PTGER4: variants seen among roughly 807,000 people sequenced by gnomAD.
The protein encoded by PTGER4 is prostaglandin E2 receptor EP4 subtype.
PTGER4 carries 11 observed loss-of-function variants against 33.2 expected under a neutral mutation model. That is an observed-to-expected ratio of 0.33 (90% confidence interval 0.21 to 0.55). The LOEUF is 0.55. Ranked by LOEUF, PTGER4 falls within the 20% of genes least tolerant of loss-of-function variation. The probability of loss-of-function intolerance (pLI) is 0.92; values close to 1 mark genes in which losing one functional copy is unlikely to be tolerated. For synonymous variants in PTGER4, 275 were observed against 281.5 expected (o/e 0.98, Z 0.23); for missense variants, 481 against 650.2 (o/e 0.74, Z 2.83).
the PTGER4 span, among the ~76,000 whole-genome samples, chr5:40,711,173 A>G: frequency 6.6e-6 from 1 of 152,110 alleles, no homozygotes; most frequent in African/African-American, 2.4e-5. Context: ...ACTTCTATCC[A>G]GTAGAAAGGA....
At chr5:40,712,339 G>A in the PTGER4 span, among the ~76,000 whole-genome samples, 7 of 152,038 alleles carry the variant, frequency 4.6e-5, no homozygotes, top group African/African-American at 7.2e-5. Context: ...TGCTTACTTC[G>A]AAATATAATC....
the PTGER4 span, among the ~76,000 whole-genome samples, chr5:40,721,687 C>T: frequency 6.7e-6 from 1 of 149,850 alleles, no homozygotes. Flanking sequence ...AAAACAAAAA[C>T]AAAACAAAAC....
At chr5:40,730,433 A>G in the PTGER4 span, 2 of 990,944 alleles carry the variant, frequency 2.0e-6, no homozygotes, top group Non-Finnish European at 3.1e-6. Flanking sequence ...AAAATATAAA[A>G]TTTACCATCT....
At chr5:40,734,250 T>C in the PTGER4 span, among the ~76,000 whole-genome samples, 1 of 152,196 alleles carries the variant, frequency 6.6e-6, no homozygotes, top group South Asian at 2.1e-4. Flanking sequence ...ACAGGAAACT[T>C]GGCACTGAAC....
the PTGER4 span, among the ~76,000 whole-genome samples, chr5:40,743,779 A>AT: frequency 6.6e-6 from 1 of 152,208 alleles, no homozygotes; most frequent in African/African-American, 2.4e-5. Context: ...ACCTCAAAAA[A>AT]ATATATATCT....
At chr5:40,726,731 A>G in the PTGER4 span, among the ~76,000 whole-genome samples, 1 of 152,114 alleles carries the variant, frequency 6.6e-6, no homozygotes, top group Non-Finnish European at 1.5e-5. Flanking sequence ...CTTTCTTTAT[A>G]AAGGACAATC....
At chr5:40,700,416 C>A in the PTGER4 span, among the ~76,000 whole-genome samples, 2 of 152,224 alleles carry the variant, frequency 1.3e-5, no homozygotes, top group African/African-American at 2.4e-5. Flanking sequence ...CACCCTTGGA[C>A]TAACGAAGGA....
the PTGER4 span, among the ~76,000 whole-genome samples, chr5:40,713,747 G>C: frequency 6.6e-6 from 1 of 152,102 alleles, no homozygotes; most frequent in Non-Finnish European, 1.5e-5. Flanking sequence ...ACAGTAAACA[G>C]TGTTATTTCA....
chr5:40,741,813 A>ACC, the PTGER4 span, among the ~76,000 whole-genome samples: 1 of 151,998 alleles, frequency 6.6e-6, no homozygotes, highest in Non-Finnish European at 1.5e-5. Flanking sequence ...ATATGGTAAA[A>ACC]CCCCATCTCT....
At chr5:40,731,135 C>G in the PTGER4 span, among the ~76,000 whole-genome samples, 1 of 152,220 alleles carries the variant, frequency 6.6e-6, no homozygotes, top group East Asian at 1.9e-4. Context: ...TTGATGTATT[C>G]CTTCATAACA....
downstream of PTGER4, among the ~76,000 whole-genome samples, chr5:40,697,676 C>T (rs1224460568): frequency 1.5e-5 from 1 of 67,566 alleles, no homozygotes; most frequent in Non-Finnish European, 2.9e-5. Context: ...TGTTATAGTT[C>T]TATTAGAAAA....
Position 40,688,442 on chromosome 5 carries a change from T to C in PTGER4, c.868-3337T>C, listed in dbSNP as rs146747701. Among the ~76,000 whole-genome samples the C allele has an allele frequency of 1.4e-3, 219 of 152,334 alleles. 1 individual carries two copies. The highest frequency in any genetic ancestry group is 5.1e-3 in the African/African-American group (212 of 41,564). ...TTTAACGCCATCATTTCTTCTACCC[T>C]TAGGAACGTAGTATGTGATGTGAAT... On this transcript the variant is annotated intron_variant, in intron 2 of 2. Coordinates refer to ENST00000302472, the MANE Select transcript of PTGER4 (RefSeq NM_000958.3).
chr5:40,691,680 T>C lies in PTGER4; in HGVS notation c.868-99T>C. 1 of 1,449,972 alleles carries C rather than the reference T, an allele frequency of 6.9e-7. No homozygotes were observed. The highest frequency in any genetic ancestry group is 9.3e-7 in the Non-Finnish European group (1 of 1,076,610). The allele number at this position is 1,449,972 out of a possible 1,614,324, so 89.8% of individuals were successfully genotyped here. A position where few individuals can be genotyped will look rare whatever the true frequency, so the allele number is the denominator to read the frequency against. On this transcript the variant is annotated intron_variant, in intron 2 of 2. Coordinates refer to ENST00000302472, the MANE Select transcript of PTGER4 (RefSeq NM_000958.3). The surrounding 1 kb of genome is among the most constrained non-coding windows in gnomAD (Gnocchi z 4.2). ...TTTTCCTGGAACTTGTTACCAGAAA[T>C]GAAGGCAGCTTCCTAATATTGATAA...
chr5:40,681,980 G>T lies in PTGER4; in HGVS notation c.867+120G>T. On this transcript the variant is annotated intron_variant, in intron 2 of 2. Coordinates refer to ENST00000302472, the MANE Select transcript of PTGER4 (RefSeq NM_000958.3). The surrounding 1 kb of genome is among the most constrained non-coding windows in gnomAD (Gnocchi z 9.8). ...CAGTGAACGTGTCGCCTTTAGGTCG[G>T]GGCTGGGATTCCCACACTGTTTCTC... 1 of 1,275,448 alleles carries T rather than the reference G, an allele frequency of 7.8e-7. No individual in the cohort carries two copies. Among genetic ancestry groups the T allele is most frequent in the Non-Finnish European group, 1.0e-6 (1 of 959,834 alleles). 79.0% of individuals were successfully genotyped at this position (1,275,448 alleles called of 1,614,324 possible).
chr5:40,738,990 T>C, the PTGER4 span, among the ~76,000 whole-genome samples: 3 of 152,198 alleles, frequency 2.0e-5, no homozygotes, highest in Non-Finnish European at 4.4e-5. Flanking sequence ...TCTCCCAGCC[T>C]GTGGCCTGAC....
the PTGER4 span, among the ~76,000 whole-genome samples, chr5:40,730,615 C>CG: frequency 6.6e-6 from 1 of 152,144 alleles, no homozygotes; most frequent in Non-Finnish European, 1.5e-5. Flanking sequence ...CCTCCACCCC[C>CG]GGGCAAACAC....
chr5:40,724,527 G>A, the PTGER4 span, among the ~76,000 whole-genome samples: 35 of 152,068 alleles, frequency 2.3e-4, no homozygotes, highest in African/African-American at 8.2e-4. Context: ...CAGCTACTTG[G>A]GAGGCTGAGG....
At chr5:40,746,753 A>G in the PTGER4 span, 19 of 1,445,724 alleles carry the variant, frequency 1.3e-5, no homozygotes, top group Middle Eastern at 1.9e-4. Context: ...AGTGAGCTAG[A>G]AAATGTAAGC....
the PTGER4 span, among the ~76,000 whole-genome samples, chr5:40,739,777 G>A: frequency 6.6e-6 from 1 of 152,140 alleles, no homozygotes; most frequent in Admixed American, 6.5e-5. Context: ...TTATAGCAGT[G>A]TGAGGACAAA....
Sources: allele counts gnomAD v4.1 joint callset (sites outside exome capture counted in the v4.1 genomes callset), GRCh38; gene constraint gnomAD v4.1.1; non-coding constraint Gnocchi (gnomAD v3.1); transcripts MANE v1.5; gene names NCBI Gene and HGNC (gene_info 2026-07-23, HGNC 2026-07-21).